Variants in CACNA1E observed in about 807,000 individuals in gnomAD.
CACNA1E encodes voltage-dependent R-type calcium channel subunit alpha-1E.
A neutral mutation model predicts 259.2 loss-of-function variants in CACNA1E; 40 were observed. The ratio of observed to expected loss-of-function variants is 0.15; its 90% CI spans 0.12 to 0.20. The LOEUF (loss-of-function observed/expected upper bound fraction) is 0.20, where lower values mean the gene tolerates loss of function less well. Ranked by LOEUF, CACNA1E falls within the 10% of genes least tolerant of loss-of-function variation. The probability of loss-of-function intolerance (pLI) is 1.00; values close to 1 mark genes in which losing one functional copy is unlikely to be tolerated. For missense variants in CACNA1E, 1,874 were observed against 3,040.1 expected, an observed-to-expected ratio of 0.62 and a Z score of 9.02; for synonymous variants, 1,104 against 1,138.5, an observed-to-expected ratio of 0.97 and a Z score of 0.61.
At chr1:181,505,268 T>C (rs985873762) in intron 1 of CACNA1E, among the ~76,000 whole-genome samples, 10 of 152,246 alleles carry the variant, frequency 6.6e-5, no homozygotes, top group Non-Finnish European at 1.3e-4. Context: ...AGAAAATGGT[T>C]AGAGGAGTAA....
chr1:181,320,975 G>A (rs1650295592), intron 1 of CACNA1E, among the ~76,000 whole-genome samples: 1 of 152,092 alleles, frequency 6.6e-6, no homozygotes, highest in Admixed American at 6.6e-5. Context: ...ATCCGTTTCT[G>A]GTGAAGGCTT....
intron 6 of CACNA1E, among the ~76,000 whole-genome samples, chr1:181,616,575 G>A (rs1655232353): frequency 1.3e-5 from 2 of 152,110 alleles, no homozygotes; most frequent in African/African-American, 4.8e-5. Flanking sequence ...TTAGCTGGGT[G>A]TGGTGGTGCA....
At chr1:181,693,573 A>G (rs887393200) in intron 7 of CACNA1E, among the ~76,000 whole-genome samples, 6 of 152,182 alleles carry the variant, frequency 3.9e-5, no homozygotes, top group Non-Finnish European at 7.4e-5. Flanking sequence ...CAAATATCAA[A>G]TGTTCTCACT....
At chr1:181,401,399 A>C (rs1319804432) in intron 1 of CACNA1E, among the ~76,000 whole-genome samples, 2 of 152,168 alleles carry the variant, frequency 1.3e-5, no homozygotes, top group Non-Finnish European at 2.9e-5. Flanking sequence ...CTTGAGCACA[A>C]ATCAAGGTTC....
In CACNA1E at chr1:181,537,085, T is replaced by TTTTTC. The variant is rs1158900195; in HGVS notation, c.512+25585_512+25589dup. Among the ~76,000 whole-genome samples the TTTTTC allele has an allele frequency of 7.2e-3, 875 of 121,994 alleles. 85 individuals are homozygous for TTTTTC. Among genetic ancestry groups the TTTTTC allele is most frequent in the Middle Eastern group, 0.025 (6 of 244 alleles). 80.0% of individuals were successfully genotyped at this position (121,994 alleles called of 152,430 possible). On this transcript the variant is annotated intron_variant, in intron 3 of 47. Transcript: ENST00000367573. The stretch of plus-strand genomic sequence containing the variant: ...TCTGAGGGCTGGGGGCCGTGGTTTC[T>TTTTTC]TTTTCTTTTCTTTTTTTTTTTTTTT...
chr1:181,439,394 C>T (rs1487201172), intron 2 of CACNA1E, among the ~76,000 whole-genome samples: 1 of 150,714 alleles, frequency 6.6e-6, no homozygotes, highest in African/African-American at 2.4e-5. Context: ...TTGAGTAGGC[C>T]ATGACTTTGT....
intron 3 of CACNA1E, among the ~76,000 whole-genome samples, chr1:181,531,997 A>C (rs989594616): frequency 2.0e-5 from 3 of 152,224 alleles, no homozygotes; most frequent in African/African-American, 4.8e-5. Context: ...CAGAGGTTGC[A>C]GTGAGCCGCC....
At chr1:181,633,788 G>A (rs1337623495) in intron 6 of CACNA1E, among the ~76,000 whole-genome samples, 2 of 152,152 alleles carry the variant, frequency 1.3e-5, no homozygotes, top group Admixed American at 6.5e-5. Flanking sequence ...CATTGTGCCT[G>A]GCCTCAAACT....
At chr1:181,605,053 A>G (rs1337331454) in intron 6 of CACNA1E, among the ~76,000 whole-genome samples, 1 of 152,160 alleles carries the variant, frequency 6.6e-6, no homozygotes, top group African/African-American at 2.4e-5. Flanking sequence ...TGAGAATGGA[A>G]ATAAGGAGAG....
intron 2 of CACNA1E, among the ~76,000 whole-genome samples, chr1:181,458,481 C>A (rs1558019915): frequency 6.6e-6 from 1 of 152,198 alleles, no homozygotes; most frequent in Non-Finnish European, 1.5e-5. Context: ...AAGATGGGAC[C>A]CTTGTCTGGG....
intron 3 of CACNA1E, among the ~76,000 whole-genome samples, chr1:181,537,534 C>T (rs1182053466): frequency 6.6e-6 from 1 of 152,100 alleles, no homozygotes; most frequent in Non-Finnish European, 1.5e-5. Flanking sequence ...AAAATGATTT[C>T]TAGGAATTTG....
chr1:181,628,554 T>C (rs1159879118), intron 6 of CACNA1E, among the ~76,000 whole-genome samples: 1 of 152,134 alleles, frequency 6.6e-6, no homozygotes, highest in Non-Finnish European at 1.5e-5. Context: ...TCAGAGAAAA[T>C]TGGCTGCAGT....
At chr1:181,573,236 C>T (rs1650597006) in intron 3 of CACNA1E, among the ~76,000 whole-genome samples, 1 of 152,192 alleles carries the variant, frequency 6.6e-6, no homozygotes, top group African/African-American at 2.4e-5. Context: ...GTATTTGTCA[C>T]TGCGGTGTTT....
At chr1:181,423,553 A>G (rs777209729) in intron 2 of CACNA1E, among the ~76,000 whole-genome samples, 8 of 152,158 alleles carry the variant, frequency 5.3e-5, no homozygotes, top group Non-Finnish European at 7.3e-5. Context: ...CATTCAAACA[A>G]CAGTCTCACT....
intron 3 of CACNA1E, among the ~76,000 whole-genome samples, chr1:181,563,602 A>G (rs1340634223): frequency 6.6e-6 from 1 of 152,172 alleles, no homozygotes; most frequent in Non-Finnish European, 1.5e-5. Flanking sequence ...GGCTTGCTCA[A>G]GGATCATGAG....
chr1:181,735,434 G>C (rs1490496858), intron 21 of CACNA1E, among the ~76,000 whole-genome samples: 1 of 152,228 alleles, frequency 6.6e-6, no homozygotes, highest in Non-Finnish European at 1.5e-5. Context: ...TGCTGACACA[G>C]GGTTCCAGGG....
chr1:181,734,658 A>C (rs1479787666), intron 21 of CACNA1E, among the ~76,000 whole-genome samples: 1 of 139,496 alleles, frequency 7.2e-6, no homozygotes, highest in Non-Finnish European at 1.5e-5. Context: ...TGCATTATGA[A>C]TTCCACACCC....
At chr1:181,727,143 A>G (rs1211213415) in intron 18 of CACNA1E, among the ~76,000 whole-genome samples, 1 of 152,204 alleles carries the variant, frequency 6.6e-6, no homozygotes, top group Non-Finnish European at 1.5e-5. Context: ...AATTAAAACA[A>G]TGATTGGGGA....
intron 1 of CACNA1E, among the ~76,000 whole-genome samples, chr1:181,334,913 G>T (rs1043965711): frequency 6.6e-6 from 1 of 152,164 alleles, no homozygotes; most frequent in African/African-American, 2.4e-5. Context: ...GGGTCTGAGA[G>T]CTGGCCCACC....
Sources: gnomAD v4.1 joint callset for allele counts (sites outside exome capture counted in the v4.1 genomes callset) on GRCh38, gnomAD v4.1.1 for gene constraint, MANE v1.5 for transcripts, NCBI Gene and HGNC (gene_info 2026-07-23, HGNC 2026-07-21) for gene names.